COL19A1: variants seen among roughly 807,000 people sequenced by gnomAD.
COL19A1 encodes the protein collagen alpha-1(XIX) chain.
A neutral mutation model predicts 190.2 loss-of-function variants in COL19A1; 159 were observed. That is an observed-to-expected ratio of 0.84 (90% confidence interval 0.73 to 0.95). The LOEUF (loss-of-function observed/expected upper bound fraction) is 0.95, where lower values mean the gene tolerates loss of function less well. Ranked by LOEUF, COL19A1 falls within the 40% of genes least tolerant of loss-of-function variation. The pLI, the probability that COL19A1 is intolerant of heterozygous loss-of-function variation, is 0.00. For missense variants in COL19A1, 1,418 were observed against 1,431.9 expected (o/e 0.99, Z 0.16); for synonymous variants, 509 against 458.9 (o/e 1.11, Z -1.39).
intron 4 of COL19A1, among the ~76,000 whole-genome samples, chr6:69,913,296 G>A (rs933439540): frequency 1.3e-5 from 2 of 152,016 alleles, no homozygotes; most frequent in African/African-American, 4.8e-5. Flanking sequence ...TACTAACAAA[G>A]TATTTCATTC....
In COL19A1 at chr6:70,209,551, T is replaced by G. The variant is rs1239612891; in HGVS notation, c.*2277T>G. 1 of 152,224 alleles carries G rather than the reference T, an allele frequency of 6.6e-6. No homozygotes were observed. The highest frequency in any genetic ancestry group is 1.5e-5 in the Non-Finnish European group (1 of 68,030). 9.4% of individuals were successfully genotyped at this position (152,224 alleles called of 1,614,324 possible). ...CTTATGAATTGTATATTTAGAAATC[T>G]TTCTAAATACCATTAAGGCTTGACT... On this transcript the variant is annotated 3_prime_UTR_variant, in exon 51 of 51. Coordinates refer to ENST00000620364, the MANE Select transcript of COL19A1 (RefSeq NM_001858.6).
chr6:70,004,602 A>C (rs954513636), intron 11 of COL19A1, among the ~76,000 whole-genome samples: 1 of 151,894 alleles, frequency 6.6e-6, no homozygotes, highest in Non-Finnish European at 1.5e-5. Context: ...TCTTATCTGC[A>C]TGCCTTATGT....
Position 70,209,034 on chromosome 6 carries a change from AT to A in COL19A1, c.*1772del, listed in dbSNP as rs550371166. The stretch of plus-strand genomic sequence containing the variant: ...ATTTATTGTAAGCATTTTGACATTG[AT>A]TTTTTTTTTTTCGTTTTCTTTCTTG... On this transcript the variant is annotated 3_prime_UTR_variant, in exon 51 of 51. Coordinates refer to ENST00000620364, the MANE Select transcript of COL19A1 (RefSeq NM_001858.6). 1,196 of 144,550 alleles carry A rather than the reference AT, an allele frequency of 8.3e-3. 7 individuals are homozygous for A. Among genetic ancestry groups the A allele is most frequent in the African/African-American group, 0.019 (764 of 39,456 alleles). 9.0% of individuals were successfully genotyped at this position (144,550 alleles called of 1,614,324 possible).
intron 14 of COL19A1, among the ~76,000 whole-genome samples, chr6:70,057,359 T>C (rs1780563758): frequency 6.6e-6 from 1 of 152,140 alleles, no homozygotes; most frequent in Non-Finnish European, 1.5e-5. Flanking sequence ...CCATTTCATT[T>C]AGTAGGTTAC....
At chr6:70,099,814 A>G (rs779591682) in intron 15 of COL19A1, among the ~76,000 whole-genome samples, 14 of 152,212 alleles carry the variant, frequency 9.2e-5, no homozygotes, top group Non-Finnish European at 1.3e-4. Flanking sequence ...TTTTACCTGC[A>G]TGTCCACTCG....
intron 11 of COL19A1, among the ~76,000 whole-genome samples, chr6:70,020,719 T>C (rs570447193): frequency 2.0e-5 from 3 of 152,156 alleles, no homozygotes; most frequent in South Asian, 4.2e-4. Context: ...CTACTGGCTT[T>C]TAGTGAGCAG....
chr6:70,186,125 T>G (rs773166384), intron 46 of COL19A1, among the ~76,000 whole-genome samples: 3 of 152,186 alleles, frequency 2.0e-5, no homozygotes, highest in Non-Finnish European at 4.4e-5. Flanking sequence ...TATATCTACC[T>G]TTTAATTGCT....
At chr6:70,065,903 A>G (rs1405354675) in intron 14 of COL19A1, among the ~76,000 whole-genome samples, 3 of 152,224 alleles carry the variant, frequency 2.0e-5, no homozygotes, top group African/African-American at 7.2e-5. Flanking sequence ...TCAAAACCAC[A>G]ATGAGATATT....
At chr6:70,188,469 G>A (rs1455545326) in intron 47 of COL19A1, among the ~76,000 whole-genome samples, 1 of 152,082 alleles carries the variant, frequency 6.6e-6, no homozygotes, top group East Asian at 1.9e-4. Flanking sequence ...AAGGATTGGT[G>A]TCCTTTTCAG....
intron 15 of COL19A1, among the ~76,000 whole-genome samples, chr6:70,086,825 T>G (rs1195486881): frequency 6.6e-6 from 1 of 152,194 alleles, no homozygotes; most frequent in East Asian, 1.9e-4. Context: ...TTTCAAAAAG[T>G]TACGTTTACT....
chr6:70,023,711 T>A (rs1304277435), intron 12 of COL19A1, 31 bp downstream of exon 12: 1 of 1,583,216 alleles, frequency 6.3e-7, no homozygotes, highest in Non-Finnish European at 8.6e-7. Context: ...TGATACTCTG[T>A]TTACATTTTA....
intron 11 of COL19A1, among the ~76,000 whole-genome samples, chr6:69,974,865 T>G (rs1460840292): frequency 7.1e-6 from 1 of 140,680 alleles, no homozygotes; most frequent in African/African-American, 2.8e-5. Context: ...CAGGCTGGAG[T>G]GCAGTGGAGC....
chr6:70,120,391 G>A (rs1304141997), intron 16 of COL19A1, among the ~76,000 whole-genome samples: 1 of 152,040 alleles, frequency 6.6e-6, no homozygotes, highest in Non-Finnish European at 1.5e-5. Flanking sequence ...TTATATGTTT[G>A]CAGAAGGATC....
intron 40 of COL19A1, among the ~76,000 whole-genome samples, chr6:70,169,426 A>G (rs1765369642): frequency 1.3e-5 from 2 of 152,216 alleles, no homozygotes; most frequent in South Asian, 4.1e-4. Context: ...TAAATTTTCA[A>G]AACACTTTCC....
At chr6:70,128,190 G>A (rs1043605815) in intron 17 of COL19A1, among the ~76,000 whole-genome samples, 1 of 152,158 alleles carries the variant, frequency 6.6e-6, no homozygotes, top group African/African-American at 2.4e-5. Flanking sequence ...TAGAAAATTA[G>A]ATATATGGGT....
In COL19A1 at chr6:69,900,315, T is replaced by C. The variant is rs143814734; in HGVS notation, c.243T>C (p.Ser81=). The change falls in exon 4 of 51, where the codon AGT becomes AGC. Residue 81 remains serine (S), a synonymous_variant. Transcript: ENST00000620364. ...ATAAAACCTGTTTCAAATTGGGAAG[T>C]GCACTTCTTATTAGAGACACTATGT... ...ESDKTCFKLG[S]ALLIRDTIKI... 6.3e-7 allele frequency: 1 copy of C among 1,585,700 alleles called. No individual in the cohort carries two copies. Among genetic ancestry groups the C allele is most frequent in the South Asian group, 1.2e-5 (1 of 85,456 alleles).
chr6:69,992,752 G>A (rs6932082), intron 11 of COL19A1, among the ~76,000 whole-genome samples: 5,448 of 152,006 alleles, frequency 0.036, 220 homozygotes, highest in African/African-American at 0.096. Context: ...TTGGCTCTCA[G>A]CTTGGACATT....
intron 41 of COL19A1, among the ~76,000 whole-genome samples, chr6:70,174,566 A>T (rs986426634): frequency 3.3e-5 from 5 of 152,136 alleles, no homozygotes; most frequent in African/African-American, 1.2e-4. Flanking sequence ...TCTCAAAAAA[A>T]AAAAACAAAA....
Position 70,209,588 on chromosome 6 carries a change from A to G in COL19A1, c.*2314A>G, listed in dbSNP as rs937387445. ...ATTAAGGCTTGACTGGTTAATTCCT[A>G]TTTCAAGGATTTGGATTTATTCAGG... On this transcript the variant is annotated 3_prime_UTR_variant, in exon 51 of 51. Coordinates refer to ENST00000620364, the MANE Select transcript of COL19A1 (RefSeq NM_001858.6). 2 of 152,178 alleles carry G rather than the reference A, an allele frequency of 1.3e-5. No homozygotes were observed. The highest frequency in any genetic ancestry group is 1.5e-5 in the Non-Finnish European group (1 of 68,026). 9.4% of individuals were successfully genotyped at this position (152,178 alleles called of 1,614,324 possible). A position where few individuals can be genotyped will look rare whatever the true frequency, so the allele number is the denominator to read the frequency against.
Sources: gnomAD v4.1 joint callset for allele counts (sites outside exome capture counted in the v4.1 genomes callset) on GRCh38, gnomAD v4.1.1 for gene constraint, MANE v1.5 for transcripts, NCBI Gene and HGNC (gene_info 2026-07-23, HGNC 2026-07-21) for gene names.